Variants in CADM2 observed in about 807,000 individuals in gnomAD.
CADM2 encodes cell adhesion molecule 2.
Under a neutral mutation model 49.8 loss-of-function variants are expected in CADM2, and 12 were observed. That is an observed-to-expected ratio of 0.24 (90% CI 0.15 to 0.39). The LOEUF (loss-of-function observed/expected upper bound fraction) is 0.39. Among genes scored for constraint, CADM2 ranks in the 10% least tolerant of loss-of-function variants. CADM2 has a pLI of 1.00. For synonymous variants in CADM2, 214 were observed against 175.4 expected (o/e 1.22, Z -1.74); for missense variants, 378 against 492.3 (o/e 0.77, Z 2.20).
intron 1 of CADM2, among the ~76,000 whole-genome samples, chr3:85,244,055 T>C (rs2042593051): frequency 6.6e-6 from 1 of 152,056 alleles, no homozygotes; most frequent in South Asian, 2.1e-4. Flanking sequence ...TTTTAGAATA[T>C]TTTCTACACT....
intron 1 of CADM2, among the ~76,000 whole-genome samples, chr3:85,011,721 AT>A (rs567473872): frequency 7.3e-4 from 107 of 146,610 alleles, no homozygotes; most frequent in African/African-American, 1.5e-3. Context: ...CACCTCTACA[AT>A]TTTTTTTTTT....
At chr3:85,092,923 ATCT>A (rs1407603584) in intron 1 of CADM2, among the ~76,000 whole-genome samples, 1 of 152,150 alleles carries the variant, frequency 6.6e-6, no homozygotes, top group African/African-American at 2.4e-5. Flanking sequence ...TCTCATTGAA[ATCT>A]ACAGTTTGTC....
intron 1 of CADM2, among the ~76,000 whole-genome samples, chr3:85,596,925 C>G (rs921332011): frequency 6.6e-6 from 1 of 152,040 alleles, no homozygotes; most frequent in Non-Finnish European, 1.5e-5. Context: ...CCATGTTGGC[C>G]AGGCTGGTCT....
chr3:85,740,294 T>C (rs1377483173), intron 2 of CADM2, among the ~76,000 whole-genome samples: 1 of 152,190 alleles, frequency 6.6e-6, no homozygotes, highest in African/African-American at 2.4e-5. Flanking sequence ...GTATGCCCTA[T>C]CTGTATGCCT....
At chr3:85,340,328 A>C (rs1211041710) in intron 1 of CADM2, among the ~76,000 whole-genome samples, 1 of 151,524 alleles carries the variant, frequency 6.6e-6, no homozygotes, top group African/African-American at 2.4e-5. Context: ...ATTTATAAAC[A>C]CATACTGTTC....
chr3:85,491,805 A>G (rs1179518515), intron 1 of CADM2, among the ~76,000 whole-genome samples: 1 of 151,998 alleles, frequency 6.6e-6, no homozygotes, highest in Non-Finnish European at 1.5e-5. Context: ...CAAAAAAAAT[A>G]GCCGGGTGTG....
intron 8 of CADM2, among the ~76,000 whole-genome samples, chr3:86,044,811 A>G (rs1328878894): frequency 6.6e-6 from 1 of 152,158 alleles, no homozygotes; most frequent in Non-Finnish European, 1.5e-5. Flanking sequence ...AACCAACCCA[A>G]ATGTCCAACA....
intron 3 of CADM2, among the ~76,000 whole-genome samples, chr3:85,878,220 T>C (rs1292383186): frequency 6.6e-6 from 1 of 152,130 alleles, no homozygotes; most frequent in Non-Finnish European, 1.5e-5. Context: ...TATATATTCA[T>C]ATATTTCAGT....
At chr3:85,803,492 GATAGATAA>G (rs1465298570) in intron 3 of CADM2, among the ~76,000 whole-genome samples, 3 of 123,248 alleles carry the variant, frequency 2.4e-5, no homozygotes, top group African/African-American at 9.4e-5. Flanking sequence ...CAGATAGATA[GATAGATAA>G]ATAGATAGAT....
chr3:85,061,070 A>G (rs926290793), intron 1 of CADM2, among the ~76,000 whole-genome samples: 4 of 152,156 alleles, frequency 2.6e-5, no homozygotes, highest in Non-Finnish European at 5.9e-5. Context: ...AATAAAAGAC[A>G]ATTGTTAATA....
rs1384564653 is a variant in CADM2, at chr3:85,378,259, C to T, written c.62-348263C>T. Among the ~76,000 whole-genome samples, 11 of 152,002 alleles carry T rather than the reference C, an allele frequency of 7.2e-5. No individual in the cohort carries two copies. In the East Asian group the frequency reaches 1.9e-3, roughly 27 times the overall value. On this transcript the variant is annotated intron_variant, in intron 1 of 9. Transcript: ENST00000383699. ...TCTGTCTATCGTAGCCCTCATCACT[C>T]TGTTCTGTGCTTAAGCCACTCGTAT... is the stretch of plus-strand genomic sequence containing the variant.
At chr3:85,096,716 G>T (rs1040857939) in intron 1 of CADM2, among the ~76,000 whole-genome samples, 1 of 152,032 alleles carries the variant, frequency 6.6e-6, no homozygotes, top group Non-Finnish European at 1.5e-5. Context: ...TAAATGGGTT[G>T]ATATAGATCT....
At chr3:85,995,667 T>C (rs1043136481) in intron 8 of CADM2, among the ~76,000 whole-genome samples, 2 of 152,232 alleles carry the variant, frequency 1.3e-5, no homozygotes, top group African/African-American at 4.8e-5. Context: ...TCCTGGATCA[T>C]CCTTTCTTCC....
chr3:85,356,719 G>C (rs544517774), intron 1 of CADM2, among the ~76,000 whole-genome samples: 5 of 152,158 alleles, frequency 3.3e-5, no homozygotes, highest in Admixed American at 6.6e-5. Flanking sequence ...TTAATGTCCT[G>C]TTCATTTTCC....
intron 1 of CADM2, among the ~76,000 whole-genome samples, chr3:84,985,703 C>T (rs1481323389): frequency 1.3e-5 from 2 of 152,120 alleles, no homozygotes; most frequent in African/African-American, 4.8e-5. Context: ...TCACTAAAAG[C>T]AAGCTTTTCT....
At chr3:85,279,050 A>G (rs1009048915) in intron 1 of CADM2, among the ~76,000 whole-genome samples, 5 of 151,514 alleles carry the variant, frequency 3.3e-5, no homozygotes, top group Admixed American at 2.6e-4. Context: ...TAAAAGAGAG[A>G]TGCATATACT....
chr3:84,990,205 C>A (rs913187139), intron 1 of CADM2, among the ~76,000 whole-genome samples: 1 of 151,352 alleles, frequency 6.6e-6, no homozygotes, highest in East Asian at 1.9e-4. Flanking sequence ...AAAGACTAAG[C>A]GTATTTACAA....
chr3:86,039,145 G>A lies in CADM2; in HGVS notation c.971-26460G>A, dbSNP rs375372046. ...GTCTACAGCTCCCAGCATGAGCGAC[G>A]CAGAAGATGGGTGATTTCTGCATGT... On this transcript the variant is annotated intron_variant, in intron 8 of 9. Transcript: ENST00000383699. Among the ~76,000 whole-genome samples the A allele has an allele frequency of 3.5e-3, 526 of 152,238 alleles. 4 individuals carry two copies. The highest frequency in any genetic ancestry group is 0.012 in the African/African-American group (502 of 41,520).
intron 1 of CADM2, among the ~76,000 whole-genome samples, chr3:85,682,310 A>G (rs1459604264): frequency 1.3e-5 from 2 of 152,086 alleles, no homozygotes; most frequent in Admixed American, 6.6e-5. Flanking sequence ...TAAAACATCT[A>G]TCCCATCTCT....
Sources: gnomAD v4.1 joint callset for allele counts (sites outside exome capture counted in the v4.1 genomes callset) on GRCh38, gnomAD v4.1.1 for gene constraint, MANE v1.5 for transcripts, NCBI Gene and HGNC (gene_info 2026-07-23, HGNC 2026-07-21) for gene names.